ARPP21: variants seen among roughly 807,000 people sequenced by gnomAD.
The protein encoded by ARPP21 is cAMP regulated phosphoprotein 21, also known as cAMP-regulated phosphoprotein 21.
In ARPP21, 69 loss-of-function variants were observed where a neutral mutation model predicts 113.2. That is an observed-to-expected ratio of 0.61 (90% confidence interval 0.50 to 0.74). ARPP21 has a LOEUF of 0.74. Ranked by LOEUF, ARPP21 falls within the 30% of genes least tolerant of loss-of-function variation. The pLI, the probability that ARPP21 is intolerant of heterozygous loss-of-function variation, is 0.00. For synonymous variants in ARPP21, 368 were observed against 375.5 expected, an observed-to-expected ratio of 0.98 and a Z score of 0.23; for missense variants, 1,070 against 1,037.4, an observed-to-expected ratio of 1.03 and a Z score of -0.43.
chr3:35,677,021 A>C (rs1451976343), intron 1 of ARPP21, among the ~76,000 whole-genome samples: 1 of 151,890 alleles, frequency 6.6e-6, no homozygotes, highest in Non-Finnish European at 1.5e-5. Context: ...AAACATTTCA[A>C]TTTCAATAAG....
At position 35,665,881 on chromosome 3, in the gene ARPP21, A is replaced by G. The variant is rs183620841; in HGVS notation, c.-212-13906A>G. The stretch of plus-strand genomic sequence containing the variant: ...TGCACAATATGTGGAAGGCAGTAAA[A>G]TGTATCCTGCTCATTAATGGTTTTT... On this transcript the variant is annotated intron_variant, in intron 1 of 20. Coordinates refer to ENST00000684406, the MANE Select transcript of ARPP21 (RefSeq NM_001385562.1). 9.2e-5 allele frequency among the ~76,000 whole-genome samples: 14 copies of G among 152,284 alleles called. No homozygotes were observed. The East Asian group carries it at 2.7e-3, about 30-fold the overall frequency.
At chr3:35,681,096 G>A (rs779202324) in intron 2 of ARPP21, 2 of 151,776 alleles carry the variant, frequency 1.3e-5, no homozygotes, top group South Asian at 2.1e-4. Context: ...TTGGGAGCTC[G>A]GGAGCTTGGG....
rs530048148 is a variant in ARPP21, at chr3:35,692,172, G to A, written c.686+1167G>A. Among the ~76,000 whole-genome samples the A allele has an allele frequency of 3.6e-4, 54 of 151,732 alleles. No individual in the cohort carries two copies. The East Asian group carries it at 7.8e-3, about 22-fold the overall frequency. On this transcript the variant is annotated intron_variant, in intron 9 of 20. Transcript: ENST00000684406. ...TCTGCAGGATAGTTTGAACTGAATC[G>A]TGTTTAAGGGCCCTTGAAGTTTCAG...
intron 19 of ARPP21, 71 bp downstream of exon 19, chr3:35,744,036 A>C (rs1184923967): frequency 1.2e-5 from 18 of 1,532,390 alleles, no homozygotes; most frequent in Middle Eastern, 3.4e-4. Flanking sequence ...TACTCTTTGG[A>C]TGAGTGTCCA....
At chr3:35,702,546 A>G (rs906203809) in intron 9 of ARPP21, among the ~76,000 whole-genome samples, 1 of 151,836 alleles carries the variant, frequency 6.6e-6, no homozygotes, top group African/African-American at 2.4e-5. Flanking sequence ...GTTGTTGTTC[A>G]TGAAAAGTCT....
At chr3:35,688,334 C>T (rs1479298611) in intron 6 of ARPP21, among the ~76,000 whole-genome samples, 1 of 151,530 alleles carries the variant, frequency 6.6e-6, no homozygotes, top group African/African-American at 2.4e-5. Flanking sequence ...ATGTATATGT[C>T]AACGGAATAC....
At chr3:35,704,936 A>C (rs2088171051) in intron 9 of ARPP21, among the ~76,000 whole-genome samples, 1 of 152,114 alleles carries the variant, frequency 6.6e-6, no homozygotes, top group Non-Finnish European at 1.5e-5. Context: ...TAAATAAGTC[A>C]ATCTATAACA....
chr3:35,651,939 C>G (rs1407862049), intron 1 of ARPP21: 1 of 152,106 alleles, frequency 6.6e-6, no homozygotes, highest in Non-Finnish European at 1.5e-5. Flanking sequence ...AATGCTTCCA[C>G]ATCAATGGTT....
At chr3:35,781,998 G>A (rs573114311) in intron 19 of ARPP21, among the ~76,000 whole-genome samples, 3 of 152,232 alleles carry the variant, frequency 2.0e-5, no homozygotes, top group Admixed American at 2.0e-4. Flanking sequence ...TAAACAAGTG[G>A]ACCTTGTATT....
chr3:35,670,734 A>AT (rs1480495760), intron 1 of ARPP21, among the ~76,000 whole-genome samples: 6 of 152,134 alleles, frequency 3.9e-5, no homozygotes, highest in Non-Finnish European at 7.4e-5. Context: ...TTGAAAAAAA[A>AT]GAAAAACACG....
chr3:35,744,853 A>G (rs1336951065), intron 19 of ARPP21, among the ~76,000 whole-genome samples: 1 of 152,232 alleles, frequency 6.6e-6, no homozygotes, highest in East Asian at 1.9e-4. Flanking sequence ...ATATATACAC[A>G]ATATGTACCA....
intron 19 of ARPP21, among the ~76,000 whole-genome samples, chr3:35,791,757 C>T (rs936107995): frequency 8.6e-5 from 13 of 152,016 alleles, no homozygotes; most frequent in African/African-American, 2.9e-4. Context: ...CCAAAAAATT[C>T]TCTCAGAAGC....
chr3:35,699,086 G>C (rs904308849), intron 9 of ARPP21, among the ~76,000 whole-genome samples: 4 of 151,334 alleles, frequency 2.6e-5, no homozygotes, highest in Non-Finnish European at 5.9e-5. Flanking sequence ...GATCAAGACT[G>C]TGTGTGTGTG....
chr3:35,662,908 G>C (rs982962888), intron 1 of ARPP21, among the ~76,000 whole-genome samples: 1 of 152,128 alleles, frequency 6.6e-6, no homozygotes, highest in African/African-American at 2.4e-5. Context: ...GATAACAGAG[G>C]CTGGGAAGGG....
intron 1 of ARPP21, chr3:35,651,654 G>A (rs938376306): frequency 6.6e-6 from 1 of 151,988 alleles, no homozygotes; most frequent in African/African-American, 2.4e-5. Flanking sequence ...CTAAACCTCA[G>A]CTGTTTCATT....
chr3:35,669,117 T>G (rs1443452520), intron 1 of ARPP21, among the ~76,000 whole-genome samples: 1 of 152,164 alleles, frequency 6.6e-6, no homozygotes, highest in Non-Finnish European at 1.5e-5. Context: ...TTTTGACAGT[T>G]GGGTCTTCCT....
At chr3:35,705,796 TCTAA>T (rs1178337852) in intron 9 of ARPP21, among the ~76,000 whole-genome samples, 3 of 152,200 alleles carry the variant, frequency 2.0e-5, no homozygotes, top group Non-Finnish European at 4.4e-5. Context: ...TTAAAAAAAC[TCTAA>T]CTGATATTAT....
At position 35,687,850 on chromosome 3, in the gene ARPP21, T is replaced by G. The variant is rs2081072220; in HGVS notation, c.373T>G (p.Ser125Ala). The G allele has an allele frequency of 6.3e-7, 1 of 1,590,980 alleles. No individual in the cohort carries two copies. The highest frequency in any genetic ancestry group is 8.5e-7 in the Non-Finnish European group (1 of 1,171,624). ...AAAGGATAAAAACAAAGATAAAACC[T>G]CTGAAAAACCCAAGATCAGAATGTT... is the stretch of plus-strand genomic sequence containing the variant. ...KEKDKNKDKT[S>A]EKPKIRMLSK... Residue 125 changes from serine to alanine, a missense_variant, in exon 6 of 21, where the codon TCT becomes GCT. By Grantham distance (99) the Ser-to-Ala change is moderately conservative. Transcript: ENST00000684406.
rs149598559 is a variant in ARPP21 at position 35,793,977 on chromosome 3, A to C, written c.*19A>C. On this transcript the variant is annotated 3_prime_UTR_variant, in exon 21 of 21. Transcript: ENST00000684406. ...ATTCTGAGAGCTCTGGCTGTGGTAC[A>C]TTTCTTCAGATATTTCTCATGGCCT... 6.2e-7 allele frequency: 1 copy of C among 1,600,636 alleles called. No individual in the cohort carries two copies. The highest frequency in any genetic ancestry group is 8.5e-7 in the Non-Finnish European group (1 of 1,171,934).
Sources: allele counts gnomAD v4.1 joint callset (sites outside exome capture counted in the v4.1 genomes callset), GRCh38; gene constraint gnomAD v4.1.1; transcripts MANE v1.5; gene names NCBI Gene and HGNC (gene_info 2026-07-23, HGNC 2026-07-21).